MALRD1: variants seen among roughly 807,000 people sequenced by gnomAD.
MALRD1 encodes MAM and LDL receptor class A domain containing 1.
A neutral mutation model predicts 242.1 loss-of-function variants in MALRD1; 247 were observed. That is an observed-to-expected ratio of 1.02 (90% CI 0.92 to 1.13). The LOEUF (loss-of-function observed/expected upper bound fraction) is 1.13. MALRD1 is among the 50% of genes most tolerant of loss of function. The probability of loss-of-function intolerance (pLI) is 0.00; values close to 1 mark genes in which losing one functional copy is unlikely to be tolerated. For synonymous variants in MALRD1, 995 were observed against 866.6 expected, an observed-to-expected ratio of 1.15 and a Z score of -2.60; for missense variants, 2,989 against 2,533.1, an observed-to-expected ratio of 1.18 and a Z score of -3.86.
At chr10:19,174,014 C>G (rs1291372024) in intron 13 of MALRD1, among the ~76,000 whole-genome samples, 1 of 152,010 alleles carries the variant, frequency 6.6e-6, no homozygotes, top group African/African-American at 2.4e-5. Flanking sequence ...GACATAGGGG[C>G]CTTCAAAAAC....
intron 21 of MALRD1, among the ~76,000 whole-genome samples, chr10:19,303,099 G>T (rs1457683011): frequency 6.6e-6 from 1 of 151,514 alleles, no homozygotes; most frequent in Non-Finnish European, 1.5e-5. Context: ...TGGATGAAAA[G>T]TTATACATAC....
intron 21 of MALRD1, among the ~76,000 whole-genome samples, chr10:19,320,917 GGTT>G (rs1221494863): frequency 6.6e-6 from 1 of 151,562 alleles, no homozygotes; most frequent in Non-Finnish European, 1.5e-5. Flanking sequence ...TTTTTGATGG[GGTT>G]GTTTTTTTTC....
rs564863581 is a variant in MALRD1, at chr10:19,199,168, G to C, written c.1952-4560G>C. Among the ~76,000 whole-genome samples the C allele has an allele frequency of 2.0e-5, 3 of 148,112 alleles. No homozygotes were observed. The East Asian group carries it at 5.8e-4, about 29-fold the overall frequency. On this transcript the variant is annotated intron_variant, in intron 14 of 39. Coordinates refer to ENST00000454679, the MANE Select transcript of MALRD1 (RefSeq NM_001142308.3). ...ACTTTCAGCAGGGGCACAAAATCTA[G>C]AGGAAAAAAAAATCTTTAAAGGAAC... is the stretch of plus-strand genomic sequence containing the variant.
chr10:19,452,646 A>G (rs1217147658), intron 29 of MALRD1, among the ~76,000 whole-genome samples: 1 of 152,258 alleles, frequency 6.6e-6, no homozygotes, highest in Non-Finnish European at 1.5e-5. Flanking sequence ...GAATGGAACT[A>G]AACAACATTC....
At chr10:19,400,461 T>C (rs1292773535) in intron 28 of MALRD1, among the ~76,000 whole-genome samples, 4 of 152,136 alleles carry the variant, frequency 2.6e-5, no homozygotes, top group African/African-American at 9.7e-5. Context: ...CAAGGGAGGC[T>C]TCATGACGCA....
rs571832465 is a variant in MALRD1 at position 19,436,699 on chromosome 10, C to A, written c.4846-13608C>A. ...CATCCGTCTATGAGGTTTTTTCATA[C>A]ATTTGTAATACATTTGCATTGATTG... On this transcript the variant is annotated intron_variant, in intron 28 of 39. Transcript: ENST00000454679. Among the ~76,000 whole-genome samples the A allele has an allele frequency of 9.4e-4, 143 of 152,220 alleles. 1 individual carries two copies. Among genetic ancestry groups the A allele is most frequent in the African/African-American group, 3.2e-3 (134 of 41,554 alleles).
intron 18 of MALRD1, among the ~76,000 whole-genome samples, chr10:19,210,900 A>G (rs1467100127): frequency 6.6e-6 from 1 of 152,202 alleles, no homozygotes; most frequent in African/African-American, 2.4e-5. Context: ...TGGCTCCGCC[A>G]CAGTGTAAAG....
intron 18 of MALRD1, among the ~76,000 whole-genome samples, chr10:19,227,808 A>G (rs1427718121): frequency 6.6e-6 from 1 of 152,190 alleles, no homozygotes; most frequent in African/African-American, 2.4e-5. Flanking sequence ...TGGGCCAAAT[A>G]TTTGTACAGA....
chr10:19,695,412 ATAATT>A (rs1287208559), intron 38 of MALRD1, among the ~76,000 whole-genome samples: 1 of 152,154 alleles, frequency 6.6e-6, no homozygotes, highest in Non-Finnish European at 1.5e-5. Flanking sequence ...CCAAGACTGC[ATAATT>A]TATAAAGGAA....
At chr10:19,255,224 A>G (rs1449962981) in intron 18 of MALRD1, among the ~76,000 whole-genome samples, 1 of 152,040 alleles carries the variant, frequency 6.6e-6, no homozygotes, top group Non-Finnish European at 1.5e-5. Flanking sequence ...CTGGATTTTC[A>G]GTTGCCCTTT....
In MALRD1 at chr10:19,132,359, G is replaced by T. The variant is rs1319251874; in HGVS notation, c.1111-1497G>T. ...CAGTTCATCCTGATCCGCCATGAAA[G>T]CTATCAGCCGAAAATATGTCCACCC... On this transcript the variant is annotated intron_variant, in intron 8 of 39. Coordinates refer to ENST00000454679, the MANE Select transcript of MALRD1 (RefSeq NM_001142308.3). Among the ~76,000 whole-genome samples the T allele has an allele frequency of 2.0e-5, 3 of 152,178 alleles. No homozygotes were observed. The East Asian group carries it at 5.8e-4, about 29-fold the overall frequency.
chr10:19,563,034 T>A (rs976530383), intron 32 of MALRD1, among the ~76,000 whole-genome samples: 2 of 152,172 alleles, frequency 1.3e-5, no homozygotes, highest in African/African-American at 4.8e-5. Flanking sequence ...TTCAGCTTTT[T>A]TTTGTGTGTG....
chr10:19,678,693 G>C (rs534935532), intron 36 of MALRD1, among the ~76,000 whole-genome samples: 1 of 152,270 alleles, frequency 6.6e-6, no homozygotes, highest in South Asian at 2.1e-4. Context: ...ATGTTGAATA[G>C]GAGTGATGAA....
At chr10:19,272,014 T>G (rs12266218) in intron 19 of MALRD1, among the ~76,000 whole-genome samples, 1,674 of 152,214 alleles carry the variant, frequency 0.011, 42 homozygotes, top group African/African-American at 0.038. Context: ...TTTATACATT[T>G]CATAATAAAA....
intron 12 of MALRD1, among the ~76,000 whole-genome samples, chr10:19,156,962 G>A (rs780130284): frequency 6.6e-4 from 101 of 152,140 alleles, no homozygotes; most frequent in Admixed American, 1.5e-3. Context: ...AAAGGCTATG[G>A]ATACTGACTT....
At chr10:19,151,487 A>G (rs188251778) in intron 11 of MALRD1, among the ~76,000 whole-genome samples, 117 of 152,064 alleles carry the variant, frequency 7.7e-4, no homozygotes, top group Non-Finnish European at 1.3e-3. Flanking sequence ...TGGCAATTTT[A>G]TTTCCTTTTT....
At position 19,615,298 on chromosome 10, in the gene MALRD1, G is replaced by T. The variant is rs570620424; in HGVS notation, c.6071-559G>T. Among the ~76,000 whole-genome samples, 3 of 151,830 alleles carry T rather than the reference G, an allele frequency of 2.0e-5. No homozygotes were observed. The South Asian group carries it at 6.2e-4, about 32-fold the overall frequency. On this transcript the variant is annotated intron_variant, in intron 35 of 39. Transcript: ENST00000454679. ...TTTGGGAGGTCAAGGTGGGAGGATT[G>T]CTTGAGGCTAAGAGTTTAAGACCAG...
chr10:19,488,354 G>A (rs1837323334), intron 29 of MALRD1, among the ~76,000 whole-genome samples: 2 of 152,162 alleles, frequency 1.3e-5, no homozygotes, highest in African/African-American at 2.4e-5. Context: ...TAAGGAGCTT[G>A]GAGTCTGGGG....
intron 31 of MALRD1, among the ~76,000 whole-genome samples, chr10:19,513,510 C>G (rs1457786427): frequency 6.7e-6 from 1 of 150,216 alleles, no homozygotes; most frequent in Non-Finnish European, 1.5e-5. Context: ...GAGGCCGAGG[C>G]GGGCGGATCA....
Sources: gnomAD v4.1 joint callset for allele counts (sites outside exome capture counted in the v4.1 genomes callset) on GRCh38, gnomAD v4.1.1 for gene constraint, MANE v1.5 for transcripts, NCBI Gene and HGNC (gene_info 2026-07-23, HGNC 2026-07-21) for gene names.